The following FLT3LG variants were observed in gnomAD, a reference collection of about 807,000 sequenced individuals.
FLT3LG encodes the protein fms-related tyrosine kinase 3 ligand.
FLT3LG carries 8 observed loss-of-function variants against 30.9 expected under a neutral mutation model. The ratio of observed to expected loss-of-function variants is 0.26; its 90% confidence interval spans 0.15 to 0.47. The LOEUF (loss-of-function observed/expected upper bound fraction) is 0.47, where lower values mean the gene tolerates loss of function less well. FLT3LG is among the 20% of genes least tolerant of loss of function. The probability of loss-of-function intolerance (pLI) is 0.99; values close to 1 mark genes in which losing one functional copy is unlikely to be tolerated. For missense variants in FLT3LG, 278 were observed against 306.2 expected (o/e 0.91, Z 0.69); for synonymous variants, 123 against 135.9 (o/e 0.91, Z 0.66).
chr19:49,476,415 C>T lies in FLT3LG; in HGVS notation c.199-8C>T. On this transcript the variant is annotated splice_polypyrimidine_tract_variant and splice_region_variant and intron_variant, in intron 4 of 8. Coordinates refer to ENST00000597551, the MANE Select transcript of FLT3LG (RefSeq NM_001459.4). This position sits in a 1 kb window ranked among gnomAD's most constrained non-coding sequence, Gnocchi z 5.3. ...TCCTCCCTCAGACCCGTGGGTTCTC[C>T]CCTCTAGGAGGAGCTCTGCGGGGGC... 1 of 1,609,788 alleles carries T rather than the reference C, an allele frequency of 6.2e-7. No individual in the cohort carries two copies. Among genetic ancestry groups the T allele is most frequent in the Non-Finnish European group, 8.5e-7 (1 of 1,177,984 alleles).
intron 8 of FLT3LG, among the ~76,000 whole-genome samples, chr19:49,484,961 C>T (rs1488303430): frequency 3.3e-5 from 5 of 152,008 alleles, no homozygotes; most frequent in Non-Finnish European, 7.4e-5. Context: ...GGCGTGCACC[C>T]GTAATCCCAG....
chr19:49,478,789 C>CT, intron 5 of FLT3LG, 120 bp from the exon 6 acceptor site: 1 of 882,726 alleles, frequency 1.1e-6, no homozygotes, highest in Non-Finnish European at 1.6e-6. Flanking sequence ...TAAATAAACT[C>CT]TGAGAGCCAG....
intron 8 of FLT3LG, among the ~76,000 whole-genome samples, chr19:49,483,275 A>G (rs2079678072): frequency 6.6e-6 from 1 of 150,946 alleles, no homozygotes; most frequent in Admixed American, 6.6e-5. Context: ...ACGCCACCAC[A>G]CCCAGCTAAT....
chr19:49,477,738 T>A (rs2079443637), intron 5 of FLT3LG, among the ~76,000 whole-genome samples: 1 of 150,406 alleles, frequency 6.6e-6, no homozygotes, highest in Middle Eastern at 3.4e-3. Flanking sequence ...CAAGACTCCA[T>A]CTCCAAAAAA....
chr19:49,485,254 T>C (rs976103866), intron 8 of FLT3LG, among the ~76,000 whole-genome samples: 3 of 148,982 alleles, frequency 2.0e-5, no homozygotes, highest in African/African-American at 5.0e-5. Context: ...TTTTCTTTTT[T>C]TTTTTTTTTT....
At position 49,475,700 on chromosome 19, in the gene FLT3LG, C is replaced by T. The variant is rs767503622; in HGVS notation, c.43C>T (p.Leu15Phe). The change falls in exon 3 of 9, where the codon CTC (leucine) becomes TTC (phenylalanine). Residue 15 changes from leucine (L) to phenylalanine (F), a missense_variant. This residue lies in a region of FLT3LG where 40 missense variants were observed against 34.3 expected (regional missense o/e 1.17). Transcript: ENST00000597551. ...ACCCGCTCCCCTGCAGACCTATCTC[C>T]TCCTGCTGCTGCTGCTGAGCTCGGG... is the stretch of plus-strand genomic sequence containing the variant. Reference protein sequence around the residue: ...APAWSPTTYLLLLLLLSSGLS... With the variant: ...APAWSPTTYLFLLLLLSSGLS... 6.2e-7 allele frequency: 1 copy of T among 1,606,850 alleles called. No homozygotes were observed. The highest frequency in any genetic ancestry group is 1.3e-5 in the African/African-American group (1 of 74,982).
At position 49,483,266 on chromosome 19, in the gene FLT3LG, C is replaced by T. The variant is rs367644839; in HGVS notation, c.*21+2646C>T. Among the ~76,000 whole-genome samples the T allele has an allele frequency of 2.8e-4, 42 of 151,874 alleles. No individual in the cohort carries two copies. The East Asian group carries it at 5.5e-3, about 20-fold the overall frequency. ...TCAGCCTCCCGAGTACCTGGGATTA[C>T]GCCACCACACCCAGCTAATTTTTGT... On this transcript the variant is annotated intron_variant, in intron 8 of 8. Transcript: ENST00000597551.
chr19:49,476,761 G>C lies in FLT3LG; in HGVS notation c.342+195G>C. The C allele has an allele frequency of 1.5e-6, 1 of 678,126 alleles. No homozygotes were observed. The highest frequency in any genetic ancestry group is 2.4e-6 in the Non-Finnish European group (1 of 421,528). The allele number at this position is 678,126 out of a possible 1,614,324, so 42.0% of individuals were successfully genotyped here. The stretch of plus-strand genomic sequence containing the variant: ...GGCACCGGTGATGGGGAGCAGTCTG[G>C]TCCCATTCTGGGGCCCCGGTTTCCT... On this transcript the variant is annotated intron_variant, in intron 5 of 8. Transcript: ENST00000597551. This position sits in a 1 kb window ranked among gnomAD's most constrained non-coding sequence, Gnocchi z 5.3.
intron 8 of FLT3LG, among the ~76,000 whole-genome samples, chr19:49,485,095 A>T (rs984257346): frequency 6.6e-6 from 1 of 152,068 alleles, no homozygotes; most frequent in Non-Finnish European, 1.5e-5. Flanking sequence ...AAGAAGTTTA[A>T]GTCCAGCCTC....
At chr19:49,484,285 A>AT (rs2079722215) in intron 8 of FLT3LG, among the ~76,000 whole-genome samples, 1 of 120,974 alleles carries the variant, frequency 8.3e-6, no homozygotes, top group Admixed American at 8.1e-5. Flanking sequence ...ATTTTTTATT[A>AT]TAATTTTTTT....
chr19:49,481,147 TG>T, intron 8 of FLT3LG: 1 of 155,334 alleles, frequency 6.4e-6, no homozygotes, highest in Non-Finnish European at 1.4e-5. Flanking sequence ...GAGCCAGGGC[TG>T]GGACCATGGG....
chr19:49,480,240 CTT>C, intron 6 of FLT3LG, 56 bp from the exon 7 acceptor site: 2 of 1,331,316 alleles, frequency 1.5e-6, no homozygotes. Flanking sequence ...CCAGGCCTCT[CTT>C]TCCTTCCTTA....
chr19:49,476,385 C>T lies in FLT3LG; in HGVS notation c.199-38C>T. 6.3e-7 allele frequency: 1 copy of T among 1,593,098 alleles called. No individual in the cohort carries two copies. Among genetic ancestry groups the T allele is most frequent in the East Asian group, 2.3e-5 (1 of 44,400 alleles). On this transcript the variant is annotated intron_variant, in intron 4 of 8. Transcript: ENST00000597551. This position sits in a 1 kb window ranked among gnomAD's most constrained non-coding sequence, Gnocchi z 5.3. ...TCCCTCAGACCCAGCAGCCCCGTGC[C>T]CAGCTCCTCCCTCAGACCCGTGGGT...
rs1340931207 is a variant in FLT3LG, at chr19:49,474,683, C to T, written c.33+11C>T. ...GCCTGGAGCCCAACAGTGCGTAAAC[C>T]CCAGGGACAAGATCAGGGGAGAGGG... On this transcript the variant is annotated intron_variant, in intron 2 of 8. Coordinates refer to ENST00000597551, the MANE Select transcript of FLT3LG (RefSeq NM_001459.4). 2 of 1,611,486 alleles carry T rather than the reference C, an allele frequency of 1.2e-6. No individual in the cohort carries two copies. The highest frequency in any genetic ancestry group is 2.7e-5 in the African/African-American group (2 of 74,744).
At chr19:49,474,484 G>A in intron 1 of FLT3LG, 119 bp from the exon 2 acceptor site, 1 of 690,512 alleles carries the variant, frequency 1.4e-6, no homozygotes. Context: ...GCCTGGGGGA[G>A]GAAGGGGCGG....
At chr19:49,483,954 G>A (rs1338593209) in intron 8 of FLT3LG, among the ~76,000 whole-genome samples, 3 of 149,666 alleles carry the variant, frequency 2.0e-5, no homozygotes, top group African/African-American at 7.4e-5. Context: ...GCACGATCTC[G>A]GCTCACTGCA....
In FLT3LG at chr19:49,480,321, T is replaced by C. The variant is rs2079557581; in HGVS notation, c.505T>C (p.Trp169Arg). The change falls in exon 7 of 9, where the codon TGG becomes CGG. Residue 169 changes from tryptophan to arginine, a missense_variant. By Grantham distance (101) the Trp-to-Arg change is moderately radical (BLOSUM62 -3). Around this residue, in one of 3 missense-constraint regions of FLT3LG, gnomAD observed 170 missense variants for 162.0 expected, o/e 1.05. Transcript: ENST00000597551. ...AGACTCCTCAACCCTGCCACCCCCA[T>C]GGAGTCCCCGGCCCCTGGAGGCCAC... The part of the protein sequence containing the change: ...QPDSSTLPPP[W>R]SPRPLEATAP... The C allele has an allele frequency of 1.9e-6, 3 of 1,606,278 alleles. No individual in the cohort carries two copies. The highest frequency in any genetic ancestry group is 2.6e-6 in the Non-Finnish European group (3 of 1,175,484).
At position 49,479,153 on chromosome 19, in the gene FLT3LG, C is replaced by G. The variant is rs577771720; in HGVS notation, c.481+106C>G. 6.8e-5 allele frequency: 68 copies of G among 999,556 alleles called. No homozygotes were observed. The African/African-American group carries it at 1.1e-3, about 16-fold the overall frequency. 61.9% of individuals were successfully genotyped at this position (999,556 alleles called of 1,614,324 possible). On this transcript the variant is annotated intron_variant, in intron 6 of 8. Coordinates refer to ENST00000597551, the MANE Select transcript of FLT3LG (RefSeq NM_001459.4). The stretch of plus-strand genomic sequence containing the variant: ...CCCATCTTTCTCATATTGGTTGTGA[C>G]AAGGGCAAGCTTATTCCTCTTTCTG...
At chr19:49,484,288 AT>A (rs745909519) in intron 8 of FLT3LG, among the ~76,000 whole-genome samples, 3,617 of 98,298 alleles carry the variant, frequency 0.037, 114 homozygotes, top group African/African-American at 0.15. Flanking sequence ...TTTTATTATA[AT>A]TTTTTTTTTT....
Sources: allele counts gnomAD v4.1 joint callset (sites outside exome capture counted in the v4.1 genomes callset), GRCh38; gene constraint gnomAD v4.1.1; regional missense constraint gnomAD v4.1.1; non-coding constraint Gnocchi (gnomAD v3.1); transcripts MANE v1.5; gene names NCBI Gene and HGNC (gene_info 2026-07-23, HGNC 2026-07-21).